STARD13: variants seen among roughly 807,000 people sequenced by gnomAD.
STARD13 encodes the protein stAR-related lipid transfer protein 13.
STARD13 carries 62 observed loss-of-function variants against 106.4 expected under a neutral mutation model. The ratio of observed to expected loss-of-function variants is 0.58; its 90% confidence interval spans 0.48 to 0.72. STARD13 has a LOEUF of 0.72. Ranked by LOEUF, STARD13 falls within the 30% of genes least tolerant of loss-of-function variation. The pLI, the probability that STARD13 is intolerant of heterozygous loss-of-function variation, is 0.00. For missense variants in STARD13, 1,387 were observed against 1,424.0 expected (o/e 0.97, Z 0.42); for synonymous variants, 565 against 553.0 (o/e 1.02, Z -0.31).
the STARD13 span, among the ~76,000 whole-genome samples, chr13:33,625,782 A>G: frequency 6.7e-6 from 1 of 150,072 alleles, no homozygotes; most frequent in Non-Finnish European, 1.5e-5. Flanking sequence ...GCTCACTGCA[A>G]CCTCCACCTC....
At chr13:33,559,071 T>C in the STARD13 span, among the ~76,000 whole-genome samples, 1 of 151,654 alleles carries the variant, frequency 6.6e-6, no homozygotes, top group African/African-American at 2.4e-5. Flanking sequence ...TCATTTGAAT[T>C]CTCTATTTTC....
intron 1 of STARD13, among the ~76,000 whole-genome samples, chr13:33,298,490 T>A (rs116586434): frequency 0.01 from 1,554 of 151,846 alleles, 38 homozygotes; most frequent in African/African-American, 0.036. Context: ...ACCACTGCAG[T>A]CATACCACCC....
chr13:33,647,392 C>T, the STARD13 span, among the ~76,000 whole-genome samples: 1 of 152,174 alleles, frequency 6.6e-6, no homozygotes, highest in Non-Finnish European at 1.5e-5. Context: ...AAAACAGCTT[C>T]CACTGTGCCT....
chr13:33,341,781 C>T (rs1024851523), intron 1 of STARD13, among the ~76,000 whole-genome samples: 1 of 151,952 alleles, frequency 6.6e-6, no homozygotes, highest in Non-Finnish European at 1.5e-5. Flanking sequence ...TTAAGTTACA[C>T]CCTTTACAAA....
intron 1 of STARD13, among the ~76,000 whole-genome samples, chr13:33,305,804 C>A (rs939174729): frequency 6.6e-6 from 1 of 152,162 alleles, no homozygotes; most frequent in Admixed American, 6.5e-5. Context: ...TTATATTAAT[C>A]CTTCTGTGCT....
intron 1 of STARD13, among the ~76,000 whole-genome samples, chr13:33,314,141 G>T (rs1015214267): frequency 9.2e-5 from 14 of 152,106 alleles, no homozygotes; most frequent in African/African-American, 3.4e-4. Flanking sequence ...ACCGGTAAGG[G>T]CTGGCACCTG....
the STARD13 span, among the ~76,000 whole-genome samples, chr13:33,602,187 G>C: frequency 1.3e-5 from 2 of 151,560 alleles, no homozygotes; most frequent in Non-Finnish European, 2.9e-5. Flanking sequence ...TGCCTCCCAG[G>C]TTCAAGCGAT....
the STARD13 span, among the ~76,000 whole-genome samples, chr13:33,599,275 C>T: frequency 6.6e-6 from 1 of 152,206 alleles, no homozygotes; most frequent in Non-Finnish European, 1.5e-5. Flanking sequence ...ATACTTATAA[C>T]ACTGGAACTA....
the STARD13 span, among the ~76,000 whole-genome samples, chr13:33,448,835 G>T: frequency 6.6e-6 from 1 of 151,862 alleles, no homozygotes; most frequent in Non-Finnish European, 1.5e-5. Context: ...GCATTTCCCC[G>T]ATGATTAAAA....
At chr13:33,514,435 C>G in the STARD13 span, among the ~76,000 whole-genome samples, 1 of 152,050 alleles carries the variant, frequency 6.6e-6, no homozygotes, top group African/African-American at 2.4e-5. Flanking sequence ...GGGCTTGTTA[C>G]CTAGTTATCT....
At chr13:33,109,000 CAA>C (rs1216813951) in intron 12 of STARD13, among the ~76,000 whole-genome samples, 13 of 152,126 alleles carry the variant, frequency 8.5e-5, no homozygotes, top group Admixed American at 8.5e-4. Flanking sequence ...GGCCAATTCC[CAA>C]GTCATAAAGA....
chr13:33,156,491 C>T (rs759158015), intron 3 of STARD13, among the ~76,000 whole-genome samples: 32 of 152,112 alleles, frequency 2.1e-4, no homozygotes, highest in African/African-American at 3.4e-4. Context: ...GGGAAGATGG[C>T]TTTTCTGCAC....
chr13:33,573,271 ACT>A, the STARD13 span, among the ~76,000 whole-genome samples: 1 of 152,204 alleles, frequency 6.6e-6, no homozygotes, highest in Non-Finnish European at 1.5e-5. Context: ...AAAAAGTGTT[ACT>A]GTTTGGATTC....
chr13:33,136,619 C>T (rs898667214), intron 4 of STARD13, among the ~76,000 whole-genome samples: 6 of 152,200 alleles, frequency 3.9e-5, no homozygotes, highest in African/African-American at 9.7e-5. Context: ...TTTGCACACT[C>T]ATAAACCAAT....
At chr13:33,150,257 C>G (rs1338644592) in intron 3 of STARD13, among the ~76,000 whole-genome samples, 2 of 152,234 alleles carry the variant, frequency 1.3e-5, no homozygotes, top group Non-Finnish European at 2.9e-5. Context: ...TTCTCCACCA[C>G]TGAGTATGAC....
chr13:33,212,374 T>C (rs961078249), intron 1 of STARD13, among the ~76,000 whole-genome samples: 1 of 152,184 alleles, frequency 6.6e-6, no homozygotes. Context: ...CCTTGTTTTC[T>C]ACTCCCATTT....
At chr13:33,518,671 G>A in the STARD13 span, among the ~76,000 whole-genome samples, 16 of 152,112 alleles carry the variant, frequency 1.1e-4, no homozygotes, top group African/African-American at 3.9e-4. Context: ...AGAGGCAAGT[G>A]GCACAGTTTG....
At chr13:33,553,892 A>C in the STARD13 span, among the ~76,000 whole-genome samples, 3 of 151,970 alleles carry the variant, frequency 2.0e-5, no homozygotes, top group African/African-American at 7.3e-5. Context: ...GCATTATTTT[A>C]ATTAAAAATT....
Position 33,130,044 on chromosome 13 carries a change from C to T in STARD13, c.633G>A (p.Gln211=). 1 of 1,613,556 alleles carries T rather than the reference C, an allele frequency of 6.2e-7. No individual in the cohort carries two copies. Among genetic ancestry groups the T allele is most frequent in the Non-Finnish European group, 8.5e-7 (1 of 1,179,864 alleles). The change falls in exon 5 of 14, where the codon CAG becomes CAA. Residue 211 remains glutamine, a synonymous_variant. Coordinates refer to ENST00000336934, the MANE Select transcript of STARD13 (RefSeq NM_178006.4). The surrounding 1 kb of genome is among the most constrained non-coding windows in gnomAD (Gnocchi z 4.1). ...GGTTGTCTGTACAGCACTGGCCCGG[C>T]TGGCTGCGACTGTCGCTGCCTCCAC... ...ESSGGSDSRS[Q]PGQCCTDNPV...
Sources: allele counts gnomAD v4.1 joint callset (sites outside exome capture counted in the v4.1 genomes callset), GRCh38; gene constraint gnomAD v4.1.1; non-coding constraint Gnocchi (gnomAD v3.1); transcripts MANE v1.5; gene names NCBI Gene and HGNC (gene_info 2026-07-23, HGNC 2026-07-21).